The following ARAP2 variants were observed in gnomAD, a reference collection of about 807,000 sequenced individuals.
ARAP2 encodes the protein ArfGAP with RhoGAP domain, ankyrin repeat and PH domain 2.
A neutral mutation model predicts 194.5 loss-of-function variants in ARAP2; 148 were observed. That is an observed-to-expected ratio of 0.76 (90% confidence interval 0.67 to 0.87). The LOEUF (loss-of-function observed/expected upper bound fraction) is 0.87, where lower values mean the gene tolerates loss of function less well. ARAP2 is among the 40% of genes least tolerant of loss of function. The pLI is 0.00. For synonymous variants in ARAP2, 695 were observed against 683.5 expected, an observed-to-expected ratio of 1.02 and a Z score of -0.26; for missense variants, 2,128 against 1,989.7, an observed-to-expected ratio of 1.07 and a Z score of -1.32.
At chr4:36,008,035 A>G (rs1413286172) in intron 9 of ARAP2, among the ~76,000 whole-genome samples, 2 of 152,158 alleles carry the variant, frequency 1.3e-5, no homozygotes, top group African/African-American at 2.4e-5. Context: ...TGAAGAAAGT[A>G]ATAAAAGACA....
chr4:36,210,887 T>G (rs932746305), intron 5 of ARAP2, 144 bp from the exon 6 acceptor site: 1 of 594,582 alleles, frequency 1.7e-6, no homozygotes, highest in Non-Finnish European at 2.8e-6. Flanking sequence ...ATTGAAAATT[T>G]TTTAAACTCT....
chr4:36,072,160 C>T, intron 32 of ARAP2, among the ~76,000 whole-genome samples: 1 of 151,416 alleles, frequency 6.6e-6, no homozygotes, highest in South Asian at 2.1e-4. Flanking sequence ...TATGTTTTTC[C>T]AAAATTAAAC....
intron 11 of ARAP2, among the ~76,000 whole-genome samples, chr4:36,164,054 C>G (rs576961990): frequency 6.6e-6 from 1 of 152,316 alleles, no homozygotes; most frequent in East Asian, 1.9e-4. Flanking sequence ...CTCACTGAAG[C>G]CTGTATTCAA....
At chr4:36,100,743 CTTCT>C (rs142645886) in intron 27 of ARAP2, among the ~76,000 whole-genome samples, 2,641 of 152,012 alleles carry the variant, frequency 0.017, 67 homozygotes, top group African/African-American at 0.059. Flanking sequence ...AAGTATGTTA[CTTCT>C]TTCTTTCTTA....
chr4:36,019,906 T>G (rs188570711), intron 5 of ARAP2, among the ~76,000 whole-genome samples: 1 of 152,158 alleles, frequency 6.6e-6, no homozygotes, highest in Non-Finnish European at 1.5e-5. Context: ...AGACCCTCAG[T>G]GGATGTCTGA....
At chr4:36,140,510 T>C (rs556713889) in intron 19 of ARAP2, among the ~76,000 whole-genome samples, 10 of 151,858 alleles carry the variant, frequency 6.6e-5, no homozygotes, top group Non-Finnish European at 1.3e-4. Flanking sequence ...CATCAGAAAG[T>C]TACAAAAGCA....
chr4:36,215,564 C>T (rs1039362888), intron 2 of ARAP2, among the ~76,000 whole-genome samples: 3 of 152,002 alleles, frequency 2.0e-5, no homozygotes, highest in African/African-American at 7.2e-5. Context: ...AAACTAAAAC[C>T]CTAAAAAACA....
At chr4:36,236,300 T>C (rs1308050581) in intron 1 of ARAP2, among the ~76,000 whole-genome samples, 1 of 152,134 alleles carries the variant, frequency 6.6e-6, no homozygotes, top group Non-Finnish European at 1.5e-5. Flanking sequence ...CAGTGGAGCT[T>C]TGTCATAAAT....
chr4:36,160,204 G>T, intron 13 of ARAP2: 1 of 1,085,038 alleles, frequency 9.2e-7, no homozygotes. Context: ...GATCCCATTT[G>T]CTTCCAAATC....
chr4:36,233,464 C>A (rs912460926), intron 1 of ARAP2, among the ~76,000 whole-genome samples: 18 of 152,180 alleles, frequency 1.2e-4, no homozygotes, highest in African/African-American at 4.3e-4. Flanking sequence ...GTCCTAAGTT[C>A]TTGAGGCTTC....
intron 31 of ARAP2, among the ~76,000 whole-genome samples, chr4:36,075,983 G>A (rs1055824523): frequency 5.3e-5 from 8 of 151,996 alleles, no homozygotes; most frequent in African/African-American, 1.4e-4. Context: ...CCCTGCCTGC[G>A]TCACATGTGG....
intron 19 of ARAP2, among the ~76,000 whole-genome samples, chr4:36,144,880 G>A (rs573178235): frequency 4.6e-5 from 7 of 151,780 alleles, no homozygotes; most frequent in East Asian, 3.9e-4. Context: ...ATATAAAGAC[G>A]ACACAGATGA....
chr4:36,158,756 A>C lies in ARAP2; in HGVS notation c.2726T>G (p.Leu909Arg), dbSNP rs779526218. The C allele has an allele frequency of 1.2e-6, 2 of 1,609,012 alleles. No individual in the cohort carries two copies. Among genetic ancestry groups the C allele is most frequent in the South Asian group, 2.2e-5 (2 of 88,934 alleles). ...LYQAPSAASK[L>R]SSEKKLLEET... ...TTCAAGCAGTTTTTTCTCTGAAGAG[A>C]GTTTAGAAGCAGCAGAAGGAGCTTG... is the stretch of plus-strand genomic sequence containing the variant. The change falls in exon 15 of 33, where the codon CTC (leucine) becomes CGC (arginine). Residue 909 changes from leucine to arginine, a missense_variant. Leu to Arg is a moderately radical substitution (Grantham distance 102). Transcript: ENST00000303965.
chr4:36,213,423 C>A lies in ARAP2; in HGVS notation c.965-104G>T, dbSNP rs762860265. 5.0e-6 allele frequency: 4 copies of A among 793,898 alleles called. No homozygotes were observed. The African/African-American group carries it at 5.3e-5, about 10-fold the overall frequency. 49.2% of individuals were successfully genotyped at this position (793,898 alleles called of 1,614,324 possible). ...TGAGTTTTTTATGGCATTATCACAA[C>A]GTAAGCTTTATTCTGTAAGAGTCCA... is the stretch of plus-strand genomic sequence containing the variant. On this transcript the variant is annotated intron_variant, in intron 3 of 32. Coordinates refer to ENST00000303965, the MANE Select transcript of ARAP2 (RefSeq NM_015230.4).
intron 7 of ARAP2, among the ~76,000 whole-genome samples, chr4:36,192,647 T>C (rs1324774596): frequency 6.6e-6 from 1 of 152,166 alleles, no homozygotes; most frequent in Non-Finnish European, 1.5e-5. Context: ...AGGCAACGAA[T>C]TGTCTTAAGA....
At chr4:36,028,475 T>C (rs928651910) in intron 5 of ARAP2, among the ~76,000 whole-genome samples, 2 of 152,038 alleles carry the variant, frequency 1.3e-5, no homozygotes, top group African/African-American at 2.4e-5. Flanking sequence ...CATATATTTG[T>C]ATGGACTTAT....
At chr4:36,103,565 A>G (rs1018044656) in intron 27 of ARAP2, among the ~76,000 whole-genome samples, 3 of 151,768 alleles carry the variant, frequency 2.0e-5, no homozygotes, top group Non-Finnish European at 2.9e-5. Context: ...CAGTCATAAT[A>G]TATGGAATAG....
At chr4:36,033,553 T>C (rs1719373952) in intron 5 of ARAP2, among the ~76,000 whole-genome samples, 1 of 150,318 alleles carries the variant, frequency 6.7e-6, no homozygotes. Flanking sequence ...ATTAGACCTT[T>C]ATCAGATGCA....
chr4:36,044,088 C>T (rs906259324), intron 5 of ARAP2, among the ~76,000 whole-genome samples: 19 of 152,044 alleles, frequency 1.2e-4, no homozygotes, highest in African/African-American at 3.4e-4. Flanking sequence ...ATGAACATTT[C>T]GTGGTTTATG....
Sources: gnomAD v4.1 joint callset for allele counts (sites outside exome capture counted in the v4.1 genomes callset) on GRCh38, gnomAD v4.1.1 for gene constraint, MANE v1.5 for transcripts, NCBI Gene and HGNC (gene_info 2026-07-23, HGNC 2026-07-21) for gene names.